CCDC73: variants seen among roughly 807,000 people sequenced by gnomAD.
CCDC73 encodes the protein coiled-coil domain-containing protein 73.
A neutral mutation model predicts 116.5 loss-of-function variants in CCDC73; 95 were observed. The ratio of observed to expected loss-of-function variants is 0.82; its 90% CI spans 0.69 to 0.97. The LOEUF (loss-of-function observed/expected upper bound fraction) is 0.97, where lower values mean the gene tolerates loss of function less well. Ranked by LOEUF, CCDC73 falls within the 50% of genes least tolerant of loss-of-function variation. The probability of loss-of-function intolerance (pLI) is 0.00; values close to 1 mark genes in which losing one functional copy is unlikely to be tolerated. For synonymous variants in CCDC73, 398 were observed against 401.3 expected, an observed-to-expected ratio of 0.99 and a Z score of 0.10; for missense variants, 1,066 against 1,206.8, an observed-to-expected ratio of 0.88 and a Z score of 1.73.
intron 2 of CCDC73, among the ~76,000 whole-genome samples, chr11:32,722,653 G>A (rs530296772): frequency 6.6e-6 from 1 of 152,256 alleles, no homozygotes; most frequent in African/African-American, 2.4e-5. Context: ...GGGAAGGAGT[G>A]TACATAAAAC....
intron 2 of CCDC73, among the ~76,000 whole-genome samples, chr11:32,724,238 T>C (rs1227436430): frequency 1.3e-5 from 2 of 152,162 alleles, no homozygotes; most frequent in Non-Finnish European, 2.9e-5. Flanking sequence ...AAAACTCCAC[T>C]GACTTTTATT....
At chr11:32,809,819 C>T in the CCDC73 span, among the ~76,000 whole-genome samples, 951 of 152,270 alleles carry the variant, frequency 6.2e-3, 3 homozygotes, top group Middle Eastern at 0.017. Flanking sequence ...CTCCTACTAG[C>T]TTCATTGATA....
chr11:32,717,952 G>T, intron 3 of CCDC73, 124 bp downstream of exon 3: 2 of 632,054 alleles, frequency 3.2e-6, no homozygotes, highest in Admixed American at 6.1e-5. Flanking sequence ...AGAACAGCAT[G>T]GGGAAACTGC....
intron 2 of CCDC73, 106 bp from the exon 3 acceptor site, chr11:32,718,253 A>C (rs1849962725): frequency 3.0e-6 from 2 of 672,016 alleles, no homozygotes; most frequent in Non-Finnish European, 5.0e-6. Context: ...CCACCTTTAC[A>C]ACAAGAAAAA....
At chr11:32,764,679 T>G (rs554667550) in intron 1 of CCDC73, among the ~76,000 whole-genome samples, 1 of 152,054 alleles carries the variant, frequency 6.6e-6, no homozygotes, top group Non-Finnish European at 1.5e-5. Flanking sequence ...GTAAAGACCA[T>G]CGATGCTAGG....
chr11:32,625,087 G>A (rs1855557881), intron 14 of CCDC73, among the ~76,000 whole-genome samples: 1 of 152,158 alleles, frequency 6.6e-6, no homozygotes, highest in African/African-American at 2.4e-5. Flanking sequence ...TTTTATCAGA[G>A]ACTAGGATTG....
chr11:32,732,876 C>G (rs1320113692), intron 2 of CCDC73, among the ~76,000 whole-genome samples: 5 of 152,128 alleles, frequency 3.3e-5, no homozygotes, highest in African/African-American at 1.2e-4. Flanking sequence ...AGCAAAATAA[C>G]CAGCTAACAT....
chr11:32,712,697 C>T (rs769328159), intron 3 of CCDC73, among the ~76,000 whole-genome samples: 2 of 151,892 alleles, frequency 1.3e-5, no homozygotes, highest in Non-Finnish European at 2.9e-5. Flanking sequence ...GCCAATAAGT[C>T]TGTCATATAA....
At chr11:32,735,865 A>C (rs559065146) in intron 2 of CCDC73, among the ~76,000 whole-genome samples, 1 of 152,126 alleles carries the variant, frequency 6.6e-6, no homozygotes, top group Non-Finnish European at 1.5e-5. Context: ...ACACATCTAC[A>C]ACCATCTGAT....
At chr11:32,821,940 AG>A in the CCDC73 span, among the ~76,000 whole-genome samples, 1 of 152,234 alleles carries the variant, frequency 6.6e-6, no homozygotes, top group Non-Finnish European at 1.5e-5. Context: ...CTCCGTGGAC[AG>A]GATGGGCAAC....
At chr11:32,751,852 T>C (rs545925155) in intron 2 of CCDC73, among the ~76,000 whole-genome samples, 1 of 152,310 alleles carries the variant, frequency 6.6e-6, no homozygotes, top group South Asian at 2.1e-4. Context: ...TTGGCCATCT[T>C]GCCCCCACCC....
rs185127247 is a variant in CCDC73 at position 32,793,476 on chromosome 11, G to A, written c.-16+1137C>T. 3.9e-4 allele frequency among the ~76,000 whole-genome samples: 59 copies of A among 152,278 alleles called. 1 individual carries two copies. Among genetic ancestry groups the A allele is most frequent in the Admixed American group, 1.6e-3 (25 of 15,296 alleles). On this transcript the variant is annotated intron_variant, in intron 1 of 17. Transcript: ENST00000335185. ...GATCTCAATATAAGCAGAAGACTCC[G>A]TGGAATCTTCACATTTTCTTTCTAA...
chr11:32,648,001 C>T (rs775553868), intron 12 of CCDC73, among the ~76,000 whole-genome samples: 20 of 152,300 alleles, frequency 1.3e-4, no homozygotes, highest in Middle Eastern at 6.8e-3. Flanking sequence ...CACTAGATCC[C>T]CTTCCCCCCA....
chr11:32,756,674 C>T (rs559859535), intron 2 of CCDC73, among the ~76,000 whole-genome samples: 84 of 151,628 alleles, frequency 5.5e-4, no homozygotes, highest in Middle Eastern at 6.9e-3. Context: ...TTATATCTTC[C>T]GAACGATACA....
chr11:32,661,092 T>C (rs1414295080), intron 9 of CCDC73, among the ~76,000 whole-genome samples: 1 of 152,000 alleles, frequency 6.6e-6, no homozygotes, highest in Non-Finnish European at 1.5e-5. Flanking sequence ...AAGGATCCTC[T>C]GGTTGGAGAA....
upstream of CCDC73, among the ~76,000 whole-genome samples, chr11:32,795,087 C>T (rs947905620): frequency 6.6e-6 from 1 of 152,004 alleles, no homozygotes; most frequent in African/African-American, 2.4e-5. Context: ...TGGATGGGAA[C>T]GGGAGAGAGA....
chr11:32,702,821 G>T, intron 4 of CCDC73, 52 bp downstream of exon 4: 1 of 1,187,482 alleles, frequency 8.4e-7, no homozygotes, highest in Non-Finnish European at 1.3e-6. Context: ...ATAGGAGGGG[G>T]AGGAAATGCA....
chr11:32,771,671 C>T (rs1324655030), intron 1 of CCDC73, among the ~76,000 whole-genome samples: 1 of 152,148 alleles, frequency 6.6e-6, no homozygotes, highest in East Asian at 1.9e-4. Context: ...GAGCCCAATA[C>T]TGTTTGGGGT....
intron 4 of CCDC73, among the ~76,000 whole-genome samples, chr11:32,701,539 A>G (rs573274443): frequency 5.5e-4 from 83 of 152,094 alleles, no homozygotes; most frequent in Non-Finnish European, 9.8e-4. Flanking sequence ...CCTTGACAAA[A>G]AACTTTTAAA....
Sources: gnomAD v4.1 joint callset for allele counts (sites outside exome capture counted in the v4.1 genomes callset) on GRCh38, gnomAD v4.1.1 for gene constraint, MANE v1.5 for transcripts, NCBI Gene and HGNC (gene_info 2026-07-23, HGNC 2026-07-21) for gene names.